The following TWNK variants were observed in gnomAD, a reference collection of about 807,000 sequenced individuals.
The protein encoded by TWNK is twinkle mtDNA helicase, also known as T7 gp4-like protein with intramitochondrial nucleoid localization.
A neutral mutation model predicts 58.2 loss-of-function variants in TWNK; 36 were observed. That is an observed-to-expected ratio of 0.62 (90% CI 0.47 to 0.82). The LOEUF is 0.82. Ranked by LOEUF, TWNK falls within the 40% of genes least tolerant of loss-of-function variation. The probability of loss-of-function intolerance (pLI) is 0.00; values close to 1 mark genes in which losing one functional copy is unlikely to be tolerated. For synonymous variants in TWNK, 349 were observed against 348.5 expected, an observed-to-expected ratio of 1.00 and a Z score of -0.02; for missense variants, 714 against 881.0, an observed-to-expected ratio of 0.81 and a Z score of 2.40.
rs1851690195 is a variant in TWNK at position 100,989,200 on chromosome 10, C to T, written c.990C>T (p.Cys330=). 6.2e-7 allele frequency: 1 copy of T among 1,614,034 alleles called. No individual in the cohort carries two copies. Among genetic ancestry groups the T allele is most frequent in the Non-Finnish European group, 8.5e-7 (1 of 1,179,874 alleles). ...LFARKLNPKR[C]FLVRPGDQQP... is the part of the protein sequence containing the mutation. ...CACGAAAACTGAACCCCAAACGATG[C>T]TTCTTGGTGCGACCAGGAGACCAGC... Residue 330 remains cysteine (C), a synonymous_variant, in exon 1 of 5, where the codon TGC becomes TGT. Transcript: ENST00000311916. This position sits in a 1 kb window ranked among gnomAD's most constrained non-coding sequence, Gnocchi z 7.6.
rs551656499 is a variant in TWNK at position 100,993,272 on chromosome 10, C to G, written c.1817C>G (p.Ser606Cys). Residue 606 changes from serine to cysteine, a missense_variant, in exon 5 of 5, where the codon TCC becomes TGC. Coordinates refer to ENST00000311916, the MANE Select transcript of TWNK (RefSeq NM_021830.5). ...TGPGKRYLQVSKNRFDGDVGV... is the reference protein window; with the variant it reads ...TGPGKRYLQVCKNRFDGDVGV... ...CCAGGGAAACGGTATCTGCAGGTGT[C>G]CAAGAACCGCTTTGATGGAGATGTA... 17 of 1,614,102 alleles carry G rather than the reference C, an allele frequency of 1.1e-5. No individual in the cohort carries two copies. The highest frequency in any genetic ancestry group is 1.4e-5 in the Non-Finnish European group (16 of 1,180,054).
rs1851689940 is a variant in TWNK, at chr10:100,989,196, G to A, written c.986G>A (p.Arg329Gln). ...TTTGCACGAAAACTGAACCCCAAAC[G>A]ATGCTTCTTGGTGCGACCAGGAGAC... ...KLFARKLNPK[R>Q]CFLVRPGDQQ... The change falls in exon 1 of 5, where the codon CGA (arginine) becomes CAA (glutamine). Residue 329 changes from arginine (R) to glutamine (Q), a missense_variant. By Grantham distance (43) the Arg-to-Gln change is conservative. Transcript: ENST00000311916. The surrounding 1 kb of genome is among the most constrained non-coding windows in gnomAD (Gnocchi z 7.6). 4 of 1,613,918 alleles carry A rather than the reference G, an allele frequency of 2.5e-6. No individual in the cohort carries two copies. Among genetic ancestry groups the A allele is most frequent in the Non-Finnish European group, 3.4e-6 (4 of 1,179,814 alleles).
rs1484325452 is a variant in TWNK, at chr10:100,989,975, TC to T, written c.1484+96del. 6.0e-6 allele frequency: 9 copies of T among 1,505,812 alleles called. No individual in the cohort carries two copies. The highest frequency in any genetic ancestry group is 8.3e-6 in the Non-Finnish European group (9 of 1,083,584). 93.3% of individuals were successfully genotyped at this position (1,505,812 alleles called of 1,614,324 possible). A position where few individuals can be genotyped will look rare whatever the true frequency, so the allele number is the denominator to read the frequency against. On this transcript the variant is annotated intron_variant, in intron 2 of 4. Transcript: ENST00000311916. The surrounding 1 kb of genome is among the most constrained non-coding windows in gnomAD (Gnocchi z 7.6). ...TTCCTTTTCCAGCTCCAGTAGGAAC[TC>T]CCCCATCTCCTTAGGTTTGGAGTTT...
In TWNK at chr10:100,993,633, C is replaced by T. The variant is rs2133948037; in HGVS notation, c.*123C>T. 9.2e-7 allele frequency: 1 copy of T among 1,087,352 alleles called. No homozygotes were observed. Among genetic ancestry groups the T allele is most frequent in the East Asian group, 2.6e-5 (1 of 38,770 alleles). The allele number at this position is 1,087,352 out of a possible 1,614,324, so 67.4% of individuals were successfully genotyped here. A position where few individuals can be genotyped will look rare whatever the true frequency, so the allele number is the denominator to read the frequency against. On this transcript the variant is annotated 3_prime_UTR_variant, in exon 5 of 5. Transcript: ENST00000311916. Reference sequence around the variant, plus strand: ...GCCCTTCTCAGTCTGAGGGGCCTAACCTAGAGCAGGTTTCCATAGTGAGAA... The same window carrying T: ...GCCCTTCTCAGTCTGAGGGGCCTAATCTAGAGCAGGTTTCCATAGTGAGAA...
rs41291468 is a variant in TWNK at position 100,993,811 on chromosome 10, C to T, written c.*301C>T. On this transcript the variant is annotated 3_prime_UTR_variant, in exon 5 of 5. Transcript: ENST00000311916. ...AGCAATGAACAAATTAGCAGAAAAC[C>T]TAGTTTTAGTGAAAAATGCTGTAAA... 1,598 of 450,124 alleles carry T rather than the reference C, an allele frequency of 3.6e-3. 7 individuals are homozygous for T. The highest frequency in any genetic ancestry group is 8.2e-3 in the Middle Eastern group (13 of 1,584). 27.9% of individuals were successfully genotyped at this position (450,124 alleles called of 1,614,324 possible).
chr10:100,988,531 C>T lies in TWNK; in HGVS notation c.321C>T (p.Thr107=), dbSNP rs776287697. 6.2e-7 allele frequency: 1 copy of T among 1,614,180 alleles called. No homozygotes were observed. Among genetic ancestry groups the T allele is most frequent in the South Asian group, 1.1e-5 (1 of 91,088 alleles). The change falls in exon 1 of 5, where the codon ACC becomes ACT. Residue 107 remains threonine (T), a synonymous_variant. Transcript: ENST00000311916. The surrounding 1 kb of genome is among the most constrained non-coding windows in gnomAD (Gnocchi z 5.2). The part of the protein sequence containing the change: ...TTSFSLFIDK[T]TGHFLCMTSL... Reference sequence around the variant, plus strand: ...CCTTCAGCCTCTTCATTGACAAGACCACAGGCCACTTTCTCTGCATGACCA... The same window carrying T: ...CCTTCAGCCTCTTCATTGACAAGACTACAGGCCACTTTCTCTGCATGACCA...
In TWNK at chr10:100,993,191, C is replaced by T. The variant is rs1327397109; in HGVS notation, c.1736C>T (p.Ala579Val). ...CTCCTTCTGCCCCCTGTTCCCCAGG[C>T]AAGCCAGGAAGCAGACAATGTTCTG... ...QTASIFGSAK[A>V]SQEADNVLIL... The change falls in exon 5 of 5, where the codon GCA becomes GTA. Residue 579 changes from alanine (A) to valine (V), a missense_variant and splice_region_variant. By Grantham distance (64) the Ala-to-Val change is moderately conservative. Around this residue, in one of 3 missense-constraint regions of TWNK, gnomAD observed 302 missense variants for 438.6 expected, o/e 0.69. Coordinates refer to ENST00000311916, the MANE Select transcript of TWNK (RefSeq NM_021830.5). 1.9e-6 allele frequency: 3 copies of T among 1,614,140 alleles called. No individual in the cohort carries two copies. Among genetic ancestry groups the T allele is most frequent in the Non-Finnish European group, 2.5e-6 (3 of 1,180,022 alleles).
rs374802778 is a variant in TWNK, at chr10:100,990,466, C to G, written c.1515C>G (p.Val505=). The G allele has an allele frequency of 2.5e-5, 40 of 1,613,988 alleles. No individual in the cohort carries two copies. Among genetic ancestry groups the G allele is most frequent in the Non-Finnish European group, 3.1e-5 (36 of 1,179,968 alleles). ...TAATAGATACAATGCAACATGCAGTCTACGTCTATGACATTTGTCATGTGA... is the reference window on the plus strand; with the variant it reads ...TAATAGATACAATGCAACATGCAGTGTACGTCTATGACATTTGTCATGTGA... ...RTVIDTMQHA[V]YVYDICHVII... is the part of the protein sequence containing the mutation. The change falls in exon 3 of 5, where the codon GTC becomes GTG. Residue 505 remains valine, a synonymous_variant. Coordinates refer to ENST00000311916, the MANE Select transcript of TWNK (RefSeq NM_021830.5).
chr10:100,988,137 G>C lies in TWNK; in HGVS notation c.-74G>C. On this transcript the variant is annotated 5_prime_UTR_variant, in exon 1 of 5. Transcript: ENST00000311916. This position sits in a 1 kb window ranked among gnomAD's most constrained non-coding sequence, Gnocchi z 5.2. Reference sequence around the variant, plus strand: ...GAGTGCTGCGTGGGATATCCCTAGAGTTTGGTCTAGTGAAGGCACGCTAAC... The same window carrying C: ...GAGTGCTGCGTGGGATATCCCTAGACTTTGGTCTAGTGAAGGCACGCTAAC... 6.6e-7 allele frequency: 1 copy of C among 1,517,710 alleles called. No homozygotes were observed. The highest frequency in any genetic ancestry group is 2.3e-5 in the East Asian group (1 of 44,384). The allele number at this position is 1,517,710 out of a possible 1,614,324, so 94.0% of individuals were successfully genotyped here.
chr10:100,991,169 T>C, intron 4 of TWNK, 159 bp downstream of exon 4: 1 of 1,080,582 alleles, frequency 9.3e-7, no homozygotes, highest in Admixed American at 2.5e-5. Context: ...GTGCTGGAAA[T>C]ACAAAGGCTG....
In TWNK at chr10:100,990,550, G is replaced by T. The variant is rs757397055; in HGVS notation, c.1592+7G>T. 13 of 1,613,958 alleles carry T rather than the reference G, an allele frequency of 8.1e-6. No homozygotes were observed. The Admixed American group carries it at 1.3e-4, about 17-fold the overall frequency. On this transcript the variant is annotated splice_region_variant and intron_variant, in intron 3 of 4. Coordinates refer to ENST00000311916, the MANE Select transcript of TWNK (RefSeq NM_021830.5). ...AGCAGCTGTCCACAGACAGGTGACGGTGACATCCTCTCTTGTCTAGCTTGA... is the reference window on the plus strand; with the variant it reads ...AGCAGCTGTCCACAGACAGGTGACGTTGACATCCTCTCTTGTCTAGCTTGA...
chr10:100,990,668 G>A (rs921572437), intron 3 of TWNK, 125 bp downstream of exon 3: 148 of 1,603,062 alleles, frequency 9.2e-5, no homozygotes, highest in Non-Finnish European at 1.2e-4. Flanking sequence ...GTGCAGGCAC[G>A]TACCACCCCC....
At chr10:100,992,245 G>A (rs867216424) in intron 4 of TWNK, among the ~76,000 whole-genome samples, 10 of 110,446 alleles carry the variant, frequency 9.1e-5, no homozygotes, top group East Asian at 2.6e-4. Context: ...ACGGAGTCTC[G>A]CTTTGTCACC....
At position 100,992,191 on chromosome 10, in the gene TWNK, G is replaced by A. The variant is rs1053367047; in HGVS notation, c.1735-999G>A. Among the ~76,000 whole-genome samples, 5 of 143,964 alleles carry A rather than the reference G, an allele frequency of 3.5e-5. No individual in the cohort carries two copies. In the Admixed American group the frequency reaches 3.5e-4, roughly 10 times the overall value. 94.4% of individuals were successfully genotyped at this position (143,964 alleles called of 152,430 possible). ...GCACTCCACTCCAACCTGGGCAGCA[G>A]AGTGAGACCCTATCTTTTTTTTTTT... On this transcript the variant is annotated intron_variant, in intron 4 of 4. Coordinates refer to ENST00000311916, the MANE Select transcript of TWNK (RefSeq NM_021830.5).
rs772467062 is a variant in TWNK, at chr10:100,994,302, G to C, written c.*792G>C. 2 of 152,274 alleles carry C rather than the reference G, an allele frequency of 1.3e-5. No individual in the cohort carries two copies. Among genetic ancestry groups the C allele is most frequent in the Non-Finnish European group, 2.9e-5 (2 of 68,074 alleles). The allele number at this position is 152,274 out of a possible 1,614,324, so 9.4% of individuals were successfully genotyped here. On this transcript the variant is annotated 3_prime_UTR_variant, in exon 5 of 5. Transcript: ENST00000311916. ...AGGAAGCTGTCAGCCCGGAGTGCCTGCCACCTAGACACTGATGCCATTGTG... is the reference window on the plus strand; with the variant it reads ...AGGAAGCTGTCAGCCCGGAGTGCCTCCCACCTAGACACTGATGCCATTGTG...
intron 4 of TWNK, among the ~76,000 whole-genome samples, chr10:100,991,627 C>T (rs972408320): frequency 2.0e-5 from 3 of 152,130 alleles, no homozygotes; most frequent in African/African-American, 7.2e-5. Flanking sequence ...CACCTGTAAT[C>T]TCAACACTTT....
At position 100,989,813 on chromosome 10, in the gene TWNK, T is replaced by C. The variant is rs1279309227; in HGVS notation, c.1413T>C (p.Tyr471=). 1.2e-6 allele frequency: 2 copies of C among 1,614,206 alleles called. No individual in the cohort carries two copies. The highest frequency in any genetic ancestry group is 8.5e-7 in the Non-Finnish European group (1 of 1,180,038). The change falls in exon 2 of 5, where the codon TAT becomes TAC. Residue 471 remains tyrosine (Y), a synonymous_variant. Coordinates refer to ENST00000311916, the MANE Select transcript of TWNK (RefSeq NM_021830.5). This position sits in a 1 kb window ranked among gnomAD's most constrained non-coding sequence, Gnocchi z 7.6. Reference sequence around the variant, plus strand: ...GGCTGGAAGATCAACTGGACAAATATGATCACTGGGCTGACCGCTTTGAGG... The same window carrying C: ...GGCTGGAAGATCAACTGGACAAATACGATCACTGGGCTGACCGCTTTGAGG... ...EGRLEDQLDK[Y]DHWADRFEDL...
chr10:100,988,075 C>G lies in TWNK; in HGVS notation c.-136C>G, dbSNP rs1851626803. ...GTAGAGGGGCTGAAGAGGAGAAATTCATGGAGAGAAAGAATGCACCTAGAG... is the reference window on the plus strand; with the variant it reads ...GTAGAGGGGCTGAAGAGGAGAAATTGATGGAGAGAAAGAATGCACCTAGAG... On this transcript the variant is annotated 5_prime_UTR_variant, in exon 1 of 5. Coordinates refer to ENST00000311916, the MANE Select transcript of TWNK (RefSeq NM_021830.5). The surrounding 1 kb of genome is among the most constrained non-coding windows in gnomAD (Gnocchi z 5.2). 4 of 1,034,140 alleles carry G rather than the reference C, an allele frequency of 3.9e-6. No individual in the cohort carries two copies. The highest frequency in any genetic ancestry group is 6.0e-6 in the Non-Finnish European group (4 of 661,434). 64.1% of individuals were successfully genotyped at this position (1,034,140 alleles called of 1,614,324 possible).
chr10:100,990,941 G>T lies in TWNK; in HGVS notation c.1665G>T (p.Leu555=), dbSNP rs1851754183. The T allele has an allele frequency of 6.2e-7, 1 of 1,614,234 alleles. No homozygotes were observed. Among genetic ancestry groups the T allele is most frequent in the East Asian group, 2.2e-5 (1 of 44,894 alleles). The part of the protein sequence containing the change: ...FATDNNCHVT[L]VIHPRKEDDD... ...CAGACAATAACTGCCATGTGACACTGGTCATTCACCCCCGGAAAGAGGATG... is the reference window on the plus strand; with the variant it reads ...CAGACAATAACTGCCATGTGACACTTGTCATTCACCCCCGGAAAGAGGATG... The change falls in exon 4 of 5, where the codon CTG becomes CTT. Residue 555 remains leucine, a synonymous_variant. Coordinates refer to ENST00000311916, the MANE Select transcript of TWNK (RefSeq NM_021830.5).
Sources: allele counts gnomAD v4.1 joint callset (sites outside exome capture counted in the v4.1 genomes callset), GRCh38; gene constraint gnomAD v4.1.1; regional missense constraint gnomAD v4.1.1; non-coding constraint Gnocchi (gnomAD v3.1); transcripts MANE v1.5; gene names NCBI Gene and HGNC (gene_info 2026-07-23, HGNC 2026-07-21).